The following NRG3 variants were observed in gnomAD, a reference collection of about 807,000 sequenced individuals.
The protein encoded by NRG3 is neuregulin 3.
A neutral mutation model predicts 66.9 loss-of-function variants in NRG3; 31 were observed. The observed-to-expected ratio is 0.46, with a 90% CI of 0.35 to 0.63. NRG3 has a LOEUF of 0.63. Among genes scored for constraint, NRG3 ranks in the 20% least tolerant of loss-of-function variants. The pLI is 0.00. For missense variants in NRG3, 910 were observed against 878.9 expected (o/e 1.04, Z -0.45); for synonymous variants, 393 against 359.4 (o/e 1.09, Z -1.06).
intron 3 of NRG3, among the ~76,000 whole-genome samples, chr10:82,863,461 A>AT (rs2135935452): frequency 6.6e-6 from 1 of 152,236 alleles, no homozygotes; most frequent in East Asian, 1.9e-4. Context: ...GGTTGAACTA[A>AT]TTACACTCCC....
At chr10:82,137,257 A>C (rs2069437534) in intron 1 of NRG3, among the ~76,000 whole-genome samples, 1 of 152,198 alleles carries the variant, frequency 6.6e-6, no homozygotes. Context: ...ATTCTCAGTC[A>C]GGATTGCGCT....
chr10:82,126,827 T>C (rs1334666358), intron 1 of NRG3, among the ~76,000 whole-genome samples: 1 of 152,028 alleles, frequency 6.6e-6, no homozygotes, highest in Non-Finnish European at 1.5e-5. Context: ...TCATAAGTGC[T>C]AGACTACCAG....
At chr10:82,357,384 G>A (rs1332624902) in intron 1 of NRG3, among the ~76,000 whole-genome samples, 1 of 152,118 alleles carries the variant, frequency 6.6e-6, no homozygotes. Context: ...CGATAATCAG[G>A]GAAGAAGCTC....
chr10:82,276,658 C>A (rs2078864217), intron 1 of NRG3, among the ~76,000 whole-genome samples: 1 of 151,986 alleles, frequency 6.6e-6, no homozygotes, highest in Non-Finnish European at 1.5e-5. Context: ...ATTCTAACTG[C>A]ATAGATAACA....
intron 2 of NRG3, among the ~76,000 whole-genome samples, chr10:82,679,198 G>T (rs564782060): frequency 2.0e-5 from 3 of 152,172 alleles, no homozygotes; most frequent in Non-Finnish European, 4.4e-5. Flanking sequence ...TTCTCACTCC[G>T]TCTGACTCTG....
At chr10:82,386,264 G>T (rs1332187225) in intron 2 of NRG3, among the ~76,000 whole-genome samples, 1 of 152,058 alleles carries the variant, frequency 6.6e-6, no homozygotes, top group Non-Finnish European at 1.5e-5. Flanking sequence ...GTGTTCTTTG[G>T]CATTTGGCTG....
intron 3 of NRG3, among the ~76,000 whole-genome samples, chr10:82,822,980 T>A (rs1310640005): frequency 6.6e-6 from 1 of 152,194 alleles, no homozygotes; most frequent in African/African-American, 2.4e-5. Flanking sequence ...GGATAACAAT[T>A]CGAATGCCTA....
chr10:82,537,182 A>G (rs1005213123), intron 2 of NRG3, among the ~76,000 whole-genome samples: 13 of 152,072 alleles, frequency 8.5e-5, no homozygotes, highest in Non-Finnish European at 1.9e-4. Context: ...GCAATTAAAT[A>G]TAAAATATTA....
intron 2 of NRG3, among the ~76,000 whole-genome samples, chr10:82,515,826 C>T (rs1233459007): frequency 6.6e-6 from 1 of 152,158 alleles, no homozygotes; most frequent in East Asian, 1.9e-4. Context: ...CCATTCAGGG[C>T]CAACTGTGCA....
chr10:82,263,621 C>A (rs2078148804), intron 1 of NRG3, among the ~76,000 whole-genome samples: 1 of 152,164 alleles, frequency 6.6e-6, no homozygotes, highest in South Asian at 2.1e-4. Flanking sequence ...ACACACCACA[C>A]ACACACACTC....
chr10:82,490,604 T>C (rs1843012083), intron 2 of NRG3, among the ~76,000 whole-genome samples: 1 of 152,128 alleles, frequency 6.6e-6, no homozygotes, highest in South Asian at 2.1e-4. Flanking sequence ...TTCAACAACA[T>C]TAAAAATTAT....
Position 82,527,312 on chromosome 10 carries a change from TAA to T in NRG3, c.953+168454_953+168455del, listed in dbSNP as rs11316759. Among the ~76,000 whole-genome samples, 721 of 128,132 alleles carry T rather than the reference TAA, an allele frequency of 5.6e-3. 6 individuals carry two copies. Among genetic ancestry groups the T allele is most frequent in the African/African-American group, 0.023 (669 of 29,080 alleles). The allele number at this position is 128,132 out of a possible 152,430, so 84.1% of individuals were successfully genotyped here. A position where few individuals can be genotyped will look rare whatever the true frequency, so the allele number is the denominator to read the frequency against. On this transcript the variant is annotated intron_variant, in intron 2 of 8. Transcript: ENST00000372141. ...AAATGTAATTCCATGTATGTAAAATTAAAAAAAAAAATATTAGTAAATATAAT... is the reference window on the plus strand; with the variant it reads ...AAATGTAATTCCATGTATGTAAAATTAAAAAAAAATATTAGTAAATATAAT...
At chr10:82,217,516 C>T (rs1028002081) in intron 1 of NRG3, among the ~76,000 whole-genome samples, 3 of 152,184 alleles carry the variant, frequency 2.0e-5, no homozygotes, top group Admixed American at 2.0e-4. Context: ...AAGCACTGCC[C>T]TAGCTTCTGT....
At chr10:82,398,649 A>G (rs1052917279) in intron 2 of NRG3, among the ~76,000 whole-genome samples, 1 of 152,122 alleles carries the variant, frequency 6.6e-6, no homozygotes, top group Non-Finnish European at 1.5e-5. Flanking sequence ...CGACATTTTA[A>G]CATGTGCTTC....
At chr10:82,382,294 T>C (rs191577525) in intron 2 of NRG3, among the ~76,000 whole-genome samples, 102 of 152,092 alleles carry the variant, frequency 6.7e-4, no homozygotes, top group Middle Eastern at 3.4e-3. Context: ...AGTATTTCTG[T>C]GCATTTATTC....
intron 2 of NRG3, among the ~76,000 whole-genome samples, chr10:82,673,511 A>C (rs1478848934): frequency 6.6e-6 from 1 of 152,198 alleles, no homozygotes; most frequent in African/African-American, 2.4e-5. Context: ...GTAAAGACTT[A>C]CTGTATTTGG....
At chr10:82,165,604 CAT>C (rs2071976974) in intron 1 of NRG3, among the ~76,000 whole-genome samples, 1 of 151,880 alleles carries the variant, frequency 6.6e-6, no homozygotes, top group East Asian at 1.9e-4. Context: ...ACTCTAAATA[CAT>C]ATAGAATATT....
chr10:82,954,799 G>GTT (rs1187773011), intron 5 of NRG3, among the ~76,000 whole-genome samples: 1 of 124,050 alleles, frequency 8.1e-6, no homozygotes, highest in East Asian at 2.2e-4. Flanking sequence ...CCTGGCACAA[G>GTT]TTGTGTGTGT....
chr10:82,260,826 A>G (rs2077986975), intron 1 of NRG3, among the ~76,000 whole-genome samples: 4 of 152,218 alleles, frequency 2.6e-5, no homozygotes, highest in Non-Finnish European at 5.9e-5. Context: ...ATGATGTTGT[A>G]CAGCCTTCAT....
Sources: allele counts gnomAD v4.1 joint callset (sites outside exome capture counted in the v4.1 genomes callset), GRCh38; gene constraint gnomAD v4.1.1; transcripts MANE v1.5; gene names NCBI Gene and HGNC (gene_info 2026-07-23, HGNC 2026-07-21).